The following CTTNBP2 variants were observed in gnomAD, a reference collection of about 807,000 sequenced individuals.
The protein encoded by CTTNBP2 is cortactin-binding protein 2.
In CTTNBP2, 108 loss-of-function variants were observed where a neutral mutation model predicts 156.9. That is an observed-to-expected ratio of 0.69 (90% confidence interval 0.59 to 0.81). The LOEUF (loss-of-function observed/expected upper bound fraction) is 0.81. Ranked by LOEUF, CTTNBP2 falls within the 30% of genes least tolerant of loss-of-function variation. The pLI, the probability that CTTNBP2 is intolerant of heterozygous loss-of-function variation, is 0.00. For missense variants in CTTNBP2, 1,924 were observed against 2,035.4 expected (o/e 0.95, Z 1.05); for synonymous variants, 767 against 751.8 (o/e 1.02, Z -0.33).
intron 4 of CTTNBP2, among the ~76,000 whole-genome samples, chr7:117,790,378 CAAA>C (rs991830223): frequency 7.2e-5 from 11 of 152,086 alleles, no homozygotes; most frequent in African/African-American, 2.7e-4. Flanking sequence ...CACTGTATAA[CAAA>C]AGGGAAAAAT....
intron 3 of CTTNBP2, among the ~76,000 whole-genome samples, chr7:117,798,238 C>A (rs1408413934): frequency 6.6e-6 from 1 of 152,038 alleles, no homozygotes; most frequent in East Asian, 1.9e-4. Context: ...AATAGTATAT[C>A]TGAAAACACT....
chr7:117,834,473 T>G (rs1801807340), intron 2 of CTTNBP2, among the ~76,000 whole-genome samples: 1 of 152,244 alleles, frequency 6.6e-6, no homozygotes, highest in Non-Finnish European at 1.5e-5. Flanking sequence ...GAACTTATGC[T>G]AATATCCTTT....
intron 19 of CTTNBP2, 148 bp downstream of exon 19, chr7:117,724,399 T>C (rs1401050137): frequency 4.5e-6 from 3 of 668,292 alleles, no homozygotes; most frequent in East Asian, 5.6e-5. Context: ...ACCTACTATA[T>C]AGTTTATTCC....
intron 6 of CTTNBP2, among the ~76,000 whole-genome samples, chr7:117,781,481 A>G (rs1584994239): frequency 6.6e-6 from 1 of 152,166 alleles, no homozygotes; most frequent in South Asian, 2.1e-4. Flanking sequence ...TGGCTCACAC[A>G]TGTAATCCCA....
At chr7:117,844,682 T>G (rs149268866) in intron 2 of CTTNBP2, among the ~76,000 whole-genome samples, 88 of 152,232 alleles carry the variant, frequency 5.8e-4, no homozygotes, top group Admixed American at 3.2e-3. Context: ...GAGGAAAAAC[T>G]TGATGATATC....
intron 8 of CTTNBP2, among the ~76,000 whole-genome samples, chr7:117,776,512 T>C (rs1003068763): frequency 6.6e-6 from 1 of 152,184 alleles, no homozygotes; most frequent in African/African-American, 2.4e-5. Flanking sequence ...TACTCTCCAT[T>C]ACCCCAATTA....
Position 117,721,049 on chromosome 7 carries a change from T to C in CTTNBP2, c.4511+18A>G. 2.0e-6 allele frequency: 3 copies of C among 1,519,690 alleles called. No individual in the cohort carries two copies. The highest frequency in any genetic ancestry group is 2.2e-5 in the South Asian group (2 of 88,918). 94.1% of individuals were successfully genotyped at this position (1,519,690 alleles called of 1,614,324 possible). On this transcript the variant is annotated intron_variant, in intron 20 of 22. Transcript: ENST00000160373. ...TTATCTTTGTTTGCTGTGAGTTAAA[T>C]TTGAAAGGGGAACTTACTTTTGTTT...
At chr7:117,763,232 T>TGTA (rs755402096) in intron 9 of CTTNBP2, among the ~76,000 whole-genome samples, 36 of 152,350 alleles carry the variant, frequency 2.4e-4, no homozygotes, top group Non-Finnish European at 3.7e-4. Flanking sequence ...GTGGCTAAGA[T>TGTA]AGTGACTGGC....
chr7:117,791,260 G>A lies in CTTNBP2; in HGVS notation c.1936C>T (p.Leu646=). The A allele has an allele frequency of 4.3e-6, 7 of 1,614,200 alleles. No individual in the cohort carries two copies. The highest frequency in any genetic ancestry group is 5.9e-6 in the Non-Finnish European group (7 of 1,180,022). The change falls in exon 4 of 23, where the codon CTG becomes TTG. Residue 646 remains leucine (L), a synonymous_variant. Coordinates refer to ENST00000160373, the MANE Select transcript of CTTNBP2 (RefSeq NM_033427.3). The stretch of plus-strand genomic sequence containing the variant: ...CTGTCTGAACATGCAGGTTGGTTCA[G>A]TCCGGGGGTTGCAGCAGGCCAGGCA... ...VGAWPAATPG[L]NQPACSDSSL...
intron 12 of CTTNBP2, among the ~76,000 whole-genome samples, chr7:117,751,506 C>G (rs1796617596): frequency 6.6e-6 from 1 of 152,146 alleles, no homozygotes. Flanking sequence ...GACTTTAGAG[C>G]CACTGATGGC....
chr7:117,766,512 G>C (rs962633874), intron 9 of CTTNBP2, among the ~76,000 whole-genome samples: 1 of 152,148 alleles, frequency 6.6e-6, no homozygotes, highest in Non-Finnish European at 1.5e-5. Flanking sequence ...GATGGATTGG[G>C]TGATAATCTT....
chr7:117,723,206 A>T (rs1311808089), intron 19 of CTTNBP2, among the ~76,000 whole-genome samples: 1 of 152,316 alleles, frequency 6.6e-6, no homozygotes, highest in South Asian at 2.1e-4. Context: ...TTTATTCAGT[A>T]AATTTTCATT....
At chr7:117,849,255 C>G (rs1197673995) in intron 2 of CTTNBP2, among the ~76,000 whole-genome samples, 1 of 152,186 alleles carries the variant, frequency 6.6e-6, no homozygotes, top group Non-Finnish European at 1.5e-5. Flanking sequence ...TTATGAGTGA[C>G]CGTCCTTTGG....
chr7:117,794,070 C>G (rs1799182929), intron 3 of CTTNBP2, among the ~76,000 whole-genome samples: 1 of 152,200 alleles, frequency 6.6e-6, no homozygotes, highest in Admixed American at 6.5e-5. Context: ...AGAACAGTGG[C>G]TGGCACACAG....
chr7:117,865,195 G>C (rs1312710716), intron 1 of CTTNBP2, among the ~76,000 whole-genome samples: 4 of 151,408 alleles, frequency 2.6e-5, no homozygotes, highest in African/African-American at 4.9e-5. Flanking sequence ...AAAAATTAAG[G>C]TCTCTATCAG....
At chr7:117,720,884 C>T (rs560220287) in intron 20 of CTTNBP2, among the ~76,000 whole-genome samples, 183 bp downstream of exon 20, 6 of 152,168 alleles carry the variant, frequency 3.9e-5, no homozygotes, top group Admixed American at 2.0e-4. Context: ...ACAATTTAGA[C>T]GTTATCCAAA....
At chr7:117,840,054 C>T in intron 2 of CTTNBP2, among the ~76,000 whole-genome samples, 1 of 152,072 alleles carries the variant, frequency 6.6e-6, no homozygotes, top group East Asian at 1.9e-4. Context: ...CAAATATATA[C>T]ATATACATAC....
intron 3 of CTTNBP2, among the ~76,000 whole-genome samples, chr7:117,806,073 G>A (rs142418418): frequency 0.019 from 2,905 of 152,180 alleles, 63 homozygotes; most frequent in Non-Finnish European, 0.023. Context: ...TATCTCCTTC[G>A]AACCACTTTC....
At chr7:117,802,646 A>T (rs571265092) in intron 3 of CTTNBP2, among the ~76,000 whole-genome samples, 1 of 152,290 alleles carries the variant, frequency 6.6e-6, no homozygotes. Flanking sequence ...CATCTGACAA[A>T]GGTCTAACAT....
Sources: allele counts gnomAD v4.1 joint callset (sites outside exome capture counted in the v4.1 genomes callset), GRCh38; gene constraint gnomAD v4.1.1; transcripts MANE v1.5; gene names NCBI Gene and HGNC (gene_info 2026-07-23, HGNC 2026-07-21).